Variants in PTAR1 observed in about 807,000 individuals in gnomAD.
PTAR1 encodes the protein protein prenyltransferase alpha subunit repeat-containing protein 1.
PTAR1 carries 17 observed loss-of-function variants against 45.5 expected under a neutral mutation model. The ratio of observed to expected loss-of-function variants is 0.37; its 90% CI spans 0.26 to 0.56. The LOEUF (loss-of-function observed/expected upper bound fraction) is 0.56, where lower values mean the gene tolerates loss of function less well. PTAR1 is among the 20% of genes least tolerant of loss of function. PTAR1 has a pLI of 0.77. For missense variants in PTAR1, 391 were observed against 476.3 expected (o/e 0.82, Z 1.67); for synonymous variants, 169 against 171.3 (o/e 0.99, Z 0.11).
intron 2 of PTAR1, 74 bp from the exon 3 acceptor site, chr9:69,741,932 T>C (rs1826061282): frequency 1.1e-6 from 1 of 881,398 alleles, no homozygotes; most frequent in African/African-American, 1.7e-5. Flanking sequence ...TCTTTTAAGG[T>C]TCTCTTTCTC....
chr9:69,725,473 C>T (rs1825229775), intron 5 of PTAR1, among the ~76,000 whole-genome samples: 1 of 151,808 alleles, frequency 6.6e-6, no homozygotes, highest in African/African-American at 2.4e-5. Context: ...GCCTGTAGTC[C>T]CAGCTACTTG....
intron 5 of PTAR1, among the ~76,000 whole-genome samples, chr9:69,730,623 G>A (rs1825490193): frequency 6.8e-6 from 1 of 147,276 alleles, no homozygotes; most frequent in Non-Finnish European, 1.5e-5. Flanking sequence ...TTTCCAACGA[G>A]CGCATCCTAG....
chr9:69,746,170 T>C (rs1198207193), intron 2 of PTAR1, among the ~76,000 whole-genome samples: 1 of 152,158 alleles, frequency 6.6e-6, no homozygotes, highest in African/African-American at 2.4e-5. Flanking sequence ...AGGGGTAAAG[T>C]GCAATGACAG....
chr9:69,720,050 A>G (rs1326013372), intron 6 of PTAR1, among the ~76,000 whole-genome samples: 2 of 152,090 alleles, frequency 1.3e-5, no homozygotes, highest in Admixed American at 6.6e-5. Context: ...TAATCCTACA[A>G]TGACCTCTAA....
chr9:69,721,450 T>C (rs1368628282), intron 6 of PTAR1, among the ~76,000 whole-genome samples: 1 of 152,230 alleles, frequency 6.6e-6, no homozygotes, highest in African/African-American at 2.4e-5. Flanking sequence ...CTGGTGAAGA[T>C]GCTGTGAACA....
intron 6 of PTAR1, 149 bp from the exon 7 acceptor site, chr9:69,718,833 C>T: frequency 1.7e-6 from 1 of 579,430 alleles, no homozygotes. Context: ...GGAGGAAAAA[C>T]AGTAGAGATG....
At position 69,718,549 on chromosome 9, in the gene PTAR1, T is replaced by C; in HGVS notation, c.1002A>G (p.Gln334=). The C allele has an allele frequency of 6.2e-7, 1 of 1,613,730 alleles. No individual in the cohort carries two copies. The highest frequency in any genetic ancestry group is 8.5e-7 in the Non-Finnish European group (1 of 1,179,710). The change falls in exon 8 of 8, where the codon CAA becomes CAG. Residue 334 remains glutamine (Q), a synonymous_variant. Coordinates refer to ENST00000340434, the MANE Select transcript of PTAR1 (RefSeq NM_001099666.2). ...HHLNAGSQLS[Q]AMEVDGLNDS... ...CATTCAGTCCATCTACTTCCATTGCTTGAGACAGCTGGGAGCCTGCTGGGA... is the reference window on the plus strand; with the variant it reads ...CATTCAGTCCATCTACTTCCATTGCCTGAGACAGCTGGGAGCCTGCTGGGA...
intron 4 of PTAR1, among the ~76,000 whole-genome samples, chr9:69,733,908 T>C (rs1479975349): frequency 6.6e-6 from 1 of 152,186 alleles, no homozygotes; most frequent in African/African-American, 2.4e-5. Flanking sequence ...GTTAACTATA[T>C]GAGACAGGTG....
chr9:69,744,232 C>T (rs1331888876), intron 2 of PTAR1, among the ~76,000 whole-genome samples: 1 of 152,124 alleles, frequency 6.6e-6, no homozygotes, highest in Non-Finnish European at 1.5e-5. Context: ...AACACACGTC[C>T]TACCCGCCTA....
intron 1 of PTAR1, among the ~76,000 whole-genome samples, chr9:69,754,605 A>G (rs1265642600): frequency 7.3e-6 from 1 of 137,500 alleles, no homozygotes. Context: ...AAGTGGTGCA[A>G]TCCTCACTCA....
chr9:69,725,257 G>A (rs769611887), intron 5 of PTAR1, among the ~76,000 whole-genome samples: 3 of 152,050 alleles, frequency 2.0e-5, no homozygotes, highest in Non-Finnish European at 2.9e-5. Context: ...TAAAATTGCA[G>A]TTTATTATTT....
intron 1 of PTAR1, among the ~76,000 whole-genome samples, chr9:69,754,532 C>A (rs939199325): frequency 1.3e-5 from 1 of 76,260 alleles, no homozygotes; most frequent in African/African-American, 5.8e-5. Flanking sequence ...GGGTATATAT[C>A]TTTTTTTTTT....
chr9:69,759,693 G>A (rs1212908787), intron 1 of PTAR1, among the ~76,000 whole-genome samples, 160 bp downstream of exon 1: 2 of 152,084 alleles, frequency 1.3e-5, no homozygotes, highest in African/African-American at 4.8e-5. Context: ...GGCCAGCGGC[G>A]GCCGACAACG....
chr9:69,718,624 C>T lies in PTAR1; in HGVS notation c.982+26G>A, dbSNP rs113867211. On this transcript the variant is annotated intron_variant, in intron 7 of 7. Coordinates refer to ENST00000340434, the MANE Select transcript of PTAR1 (RefSeq NM_001099666.2). ...CCCCAGGGCTGTCTGCAGGTGACAACTGGGTCATGCTGTGAGGAAACCTAC... is the reference window on the plus strand; with the variant it reads ...CCCCAGGGCTGTCTGCAGGTGACAATTGGGTCATGCTGTGAGGAAACCTAC... 1.4e-5 allele frequency: 22 copies of T among 1,610,838 alleles called. 1 individual carries two copies. The highest frequency in any genetic ancestry group is 1.2e-4 in the African/African-American group (9 of 74,786).
At chr9:69,734,353 G>A (rs1322715358) in intron 3 of PTAR1, 99 bp from the exon 4 acceptor site, 11 of 469,030 alleles carry the variant, frequency 2.3e-5, no homozygotes, top group African/African-American at 4.2e-5. Context: ...ATTGTGAAGC[G>A]AATGTCTAAG....
At chr9:69,754,837 A>G (rs891103846) in intron 1 of PTAR1, among the ~76,000 whole-genome samples, 2 of 151,804 alleles carry the variant, frequency 1.3e-5, no homozygotes, top group Non-Finnish European at 2.9e-5. Flanking sequence ...TACAGGTGTG[A>G]GTCACTGTGC....
At chr9:69,736,640 G>C (rs1825802265) in intron 3 of PTAR1, among the ~76,000 whole-genome samples, 1 of 152,028 alleles carries the variant, frequency 6.6e-6, no homozygotes, top group Admixed American at 6.5e-5. Flanking sequence ...ATTTATAACT[G>C]TCTACCTTTA....
At chr9:69,734,783 T>A (rs1408581817) in intron 3 of PTAR1, among the ~76,000 whole-genome samples, 1 of 152,206 alleles carries the variant, frequency 6.6e-6, no homozygotes, top group Non-Finnish European at 1.5e-5. Context: ...TTTTTTATTT[T>A]TGAATTTTCC....
At chr9:69,727,072 T>A (rs536605333) in intron 5 of PTAR1, among the ~76,000 whole-genome samples, 5 of 151,700 alleles carry the variant, frequency 3.3e-5, no homozygotes, top group Non-Finnish European at 7.4e-5. Flanking sequence ...CACATATATA[T>A]ATACGATGTA....
Sources: gnomAD v4.1 joint callset for allele counts (sites outside exome capture counted in the v4.1 genomes callset) on GRCh38, gnomAD v4.1.1 for gene constraint, MANE v1.5 for transcripts, NCBI Gene and HGNC (gene_info 2026-07-23, HGNC 2026-07-21) for gene names.